ARHGEF17: variants seen among roughly 807,000 people sequenced by gnomAD.
ARHGEF17 encodes Rho guanine nucleotide exchange factor 17.
A neutral mutation model predicts 174.0 loss-of-function variants in ARHGEF17; 80 were observed. That is an observed-to-expected ratio of 0.46 (90% CI 0.38 to 0.55). The LOEUF is 0.55. ARHGEF17 is among the 20% of genes least tolerant of loss of function. ARHGEF17 has a pLI of 0.00. For synonymous variants in ARHGEF17, 1,311 were observed against 1,189.1 expected (o/e 1.10, Z -2.11); for missense variants, 2,886 against 2,839.7 (o/e 1.02, Z -0.37).
chr11:73,314,866 T>G (rs971346422), intron 1 of ARHGEF17, among the ~76,000 whole-genome samples: 4 of 152,150 alleles, frequency 2.6e-5, no homozygotes, highest in African/African-American at 9.7e-5. Context: ...AGTCCCACCT[T>G]CTGCCCTCAG....
In ARHGEF17 at chr11:73,309,153, C is replaced by A. The variant is rs770119586; in HGVS notation, c.515C>A (p.Pro172His). Residue 172 changes from proline to histidine, a missense_variant, in exon 1 of 21, where the codon CCC becomes CAC. This residue lies in a region of ARHGEF17 where 1,728 missense variants were observed against 1,461.2 expected (regional missense o/e 1.18). Coordinates refer to ENST00000263674, the MANE Select transcript of ARHGEF17 (RefSeq NM_014786.4). The part of the protein sequence containing the change: ...ARESRQPPTP[P>H]PRTCFPLAGL... ...GAGTCGCGGCAGCCACCGACGCCAC[C>A]CCCTCGGACATGCTTCCCCCTGGCG... 1 of 1,586,766 alleles carries A rather than the reference C, an allele frequency of 6.3e-7. No homozygotes were observed.
At chr11:73,343,375 A>G (rs1012469887) in intron 1 of ARHGEF17, 2 of 385,038 alleles carry the variant, frequency 5.2e-6, no homozygotes, top group Non-Finnish European at 9.2e-6. Flanking sequence ...GAGGGGAGGC[A>G]TGGGGCGCAG....
intron 2 of ARHGEF17, among the ~76,000 whole-genome samples, chr11:73,348,663 G>C (rs537082654): frequency 6.6e-6 from 1 of 152,220 alleles, no homozygotes; most frequent in Admixed American, 6.5e-5. Context: ...GGTGTACAGG[G>C]TTGCAGTTTT....
In ARHGEF17 at chr11:73,309,295, C is replaced by G; in HGVS notation, c.657C>G (p.Ile219Met). ...RPADGLHSWH[I>M]FSQPQAGARA... ...CGGATGGTTTACATTCTTGGCATAT[C>G]TTCTCCCAACCGCAGGCCGGGGCCC... Residue 219 changes from isoleucine to methionine, a missense_variant, in exon 1 of 21, where the codon ATC becomes ATG. Ile to Met is a conservative substitution (Grantham distance 10). Coordinates refer to ENST00000263674, the MANE Select transcript of ARHGEF17 (RefSeq NM_014786.4). 1 of 1,612,138 alleles carries G rather than the reference C, an allele frequency of 6.2e-7. No individual in the cohort carries two copies. The highest frequency in any genetic ancestry group is 8.5e-7 in the Non-Finnish European group (1 of 1,179,668).
chr11:73,358,933 C>T (rs1184106782), intron 9 of ARHGEF17, among the ~76,000 whole-genome samples: 2 of 152,160 alleles, frequency 1.3e-5, no homozygotes, highest in Non-Finnish European at 2.9e-5. Context: ...AGTGAGACAG[C>T]CTCCCTGTCC....
At chr11:73,319,256 G>T (rs955933604) in intron 1 of ARHGEF17, among the ~76,000 whole-genome samples, 1 of 152,072 alleles carries the variant, frequency 6.6e-6, no homozygotes, top group Non-Finnish European at 1.5e-5. Context: ...TAGAGACGGG[G>T]TTTCACCATG....
intron 3 of ARHGEF17, among the ~76,000 whole-genome samples, chr11:73,355,072 T>C (rs1865613971): frequency 1.3e-5 from 2 of 152,208 alleles, no homozygotes; most frequent in Admixed American, 1.3e-4. Flanking sequence ...AGCACAGCCC[T>C]GAGGCGGGGC....
Position 73,365,152 on chromosome 11 carries a change from G to A in ARHGEF17, c.5551-238G>A. ...AGTGACTGATTTTAGAACCCTTTAAGCATTGAAGTTCTCTGATCCTTAAAT... is the reference window on the plus strand; with the variant it reads ...AGTGACTGATTTTAGAACCCTTTAAACATTGAAGTTCTCTGATCCTTAAAT... On this transcript the variant is annotated intron_variant, in intron 18 of 20. Coordinates refer to ENST00000263674, the MANE Select transcript of ARHGEF17 (RefSeq NM_014786.4). This position sits in a 1 kb window ranked among gnomAD's most constrained non-coding sequence, Gnocchi z 4.9. 1 of 553,206 alleles carries A rather than the reference G, an allele frequency of 1.8e-6. No individual in the cohort carries two copies. Among genetic ancestry groups the A allele is most frequent in the Non-Finnish European group, 3.2e-6 (1 of 309,538 alleles). The allele number at this position is 553,206 out of a possible 1,614,324, so 34.3% of individuals were successfully genotyped here. A position where few individuals can be genotyped will look rare whatever the true frequency, so the allele number is the denominator to read the frequency against.
intron 11 of ARHGEF17, 56 bp from the exon 12 acceptor site, chr11:73,361,032 G>A: frequency 7.5e-6 from 11 of 1,464,770 alleles, no homozygotes; most frequent in South Asian, 5.8e-5. Flanking sequence ...GCAGGACCAG[G>A]GTGAGATGGA....
intron 1 of ARHGEF17, among the ~76,000 whole-genome samples, chr11:73,338,996 G>A (rs1865328184): frequency 6.6e-6 from 1 of 152,176 alleles, no homozygotes; most frequent in South Asian, 2.1e-4. Flanking sequence ...TGGCAATTCT[G>A]AGATTATGGG....
intron 1 of ARHGEF17, among the ~76,000 whole-genome samples, chr11:73,330,994 G>C (rs1428921719): frequency 1.3e-5 from 2 of 152,196 alleles, no homozygotes; most frequent in South Asian, 2.1e-4. Flanking sequence ...GGTTTCTAGG[G>C]GTGGGCACAT....
chr11:73,323,544 A>G (rs1411922245), intron 1 of ARHGEF17, among the ~76,000 whole-genome samples: 1 of 152,286 alleles, frequency 6.6e-6, no homozygotes, highest in East Asian at 1.9e-4. Context: ...CGCTTTAGGG[A>G]GAGGAGTGCC....
At chr11:73,360,875 C>T (rs906298477) in intron 11 of ARHGEF17, among the ~76,000 whole-genome samples, 2 of 152,170 alleles carry the variant, frequency 1.3e-5, no homozygotes, top group Non-Finnish European at 2.9e-5. Context: ...TTAGAAGATC[C>T]ACAGAGACCT....
intron 2 of ARHGEF17, among the ~76,000 whole-genome samples, chr11:73,347,473 CGTGGGG>C (rs1865483186): frequency 6.6e-6 from 1 of 152,140 alleles, no homozygotes; most frequent in East Asian, 1.9e-4. Context: ...ACCTGCTAAG[CGTGGGG>C]TCAGGGAGGT....
Position 73,356,365 on chromosome 11 carries a change from G to GCCCCA in ARHGEF17, c.3840+23_3840+27dup, listed in dbSNP as rs1227594499. 2 of 1,593,360 alleles carry GCCCCA rather than the reference G, an allele frequency of 1.3e-6. No homozygotes were observed. Among genetic ancestry groups the GCCCCA allele is most frequent in the Admixed American group, 1.7e-5 (1 of 58,932 alleles). On this transcript the variant is annotated intron_variant, in intron 6 of 20. Coordinates refer to ENST00000263674, the MANE Select transcript of ARHGEF17 (RefSeq NM_014786.4). ...GGCATGGAGGATGTGCGTGCGCCCT[G>GCCCCA]CCCCACCCCACCCTACCCCACCCCA...
chr11:73,315,116 T>C (rs1163889102), intron 1 of ARHGEF17, among the ~76,000 whole-genome samples: 2 of 152,226 alleles, frequency 1.3e-5, no homozygotes, highest in Non-Finnish European at 2.9e-5. Context: ...GGATTCACCC[T>C]GAATCCTAGC....
Position 73,309,043 on chromosome 11 carries a change from T to C in ARHGEF17, c.405T>C (p.Gly135=). ...CCGAGATGCGCAAGCTCTTCGGCGG[T>C]CCTGGCTCCAGGAGGCCCAGCGCCG... is the stretch of plus-strand genomic sequence containing the variant. ...SVTEMRKLFG[G]PGSRRPSADS... Residue 135 remains glycine (G), a synonymous_variant, in exon 1 of 21, where the codon GGT becomes GGC. Transcript: ENST00000263674. 1 of 1,464,952 alleles carries C rather than the reference T, an allele frequency of 6.8e-7. No homozygotes were observed. 90.7% of individuals were successfully genotyped at this position (1,464,952 alleles called of 1,614,324 possible).
chr11:73,310,822 G>A lies in ARHGEF17; in HGVS notation c.2184G>A (p.Gly728=), dbSNP rs1046029335. ...GCGAATTGAGCAATGGGGAGGCAGG[G>A]GAGGCCTACAGGTCCCTGAGTGACC... is the stretch of plus-strand genomic sequence containing the variant. ...GGSELSNGEA[G]EAYRSLSDPI... is the part of the protein sequence containing the mutation. The change falls in exon 1 of 21, where the codon GGG becomes GGA. Residue 728 remains glycine, a synonymous_variant. Transcript: ENST00000263674. The A allele has an allele frequency of 6.2e-7, 1 of 1,612,100 alleles. No homozygotes were observed. Among genetic ancestry groups the A allele is most frequent in the African/African-American group, 1.3e-5 (1 of 74,916 alleles).
In ARHGEF17 at chr11:73,311,845, GGGGCCTTCAGATTGGGGCCAAAGAA is replaced by G. The variant is rs749322770; in HGVS notation, c.3192+21_3192+45del. 2 of 1,578,198 alleles carry G rather than the reference GGGGCCTTCAGATTGGGGCCAAAGAA, an allele frequency of 1.3e-6. No homozygotes were observed. Among genetic ancestry groups the G allele is most frequent in the South Asian group, 2.3e-5 (2 of 87,858 alleles). On this transcript the variant is annotated intron_variant, in intron 1 of 20. Transcript: ENST00000263674. ...AGCCACAGGTGGTGAGTCCTTTGTAGGGGCCTTCAGATTGGGGCCAAAGAAGGGCCATGGGCACCGACTTCGGTTG... is the reference window on the plus strand; with the variant it reads ...AGCCACAGGTGGTGAGTCCTTTGTAGGGGCCATGGGCACCGACTTCGGTTG...
Sources: gnomAD v4.1 joint callset for allele counts (sites outside exome capture counted in the v4.1 genomes callset) on GRCh38, gnomAD v4.1.1 for gene constraint, gnomAD v4.1.1 regional missense constraint, Gnocchi (gnomAD v3.1) non-coding constraint, MANE v1.5 for transcripts, NCBI Gene and HGNC (gene_info 2026-07-23, HGNC 2026-07-21) for gene names.